The following RBFOX3 variants were observed in gnomAD, a reference collection of about 807,000 sequenced individuals.
The protein encoded by RBFOX3 is RNA binding protein fox-1 homolog 3.
Under a neutral mutation model 48.7 loss-of-function variants are expected in RBFOX3, and 17 were observed. That is an observed-to-expected ratio of 0.35 (90% CI 0.24 to 0.52). The LOEUF (loss-of-function observed/expected upper bound fraction) is 0.52, where lower values mean the gene tolerates loss of function less well. Ranked by LOEUF, RBFOX3 falls within the 20% of genes least tolerant of loss-of-function variation. The probability of loss-of-function intolerance (pLI) is 0.94; values close to 1 mark genes in which losing one functional copy is unlikely to be tolerated. For missense variants in RBFOX3, 382 were observed against 497.5 expected (o/e 0.77, Z 2.21); for synonymous variants, 212 against 209.5 (o/e 1.01, Z -0.10).
the RBFOX3 span, among the ~76,000 whole-genome samples, chr17:79,661,011 T>C: frequency 1.3e-5 from 2 of 152,198 alleles, no homozygotes; most frequent in Non-Finnish European, 2.9e-5. Context: ...CCATTATCCT[T>C]AGTAAACTAA....
chr17:79,188,386 C>G (rs185527053), intron 4 of RBFOX3, among the ~76,000 whole-genome samples: 1 of 152,240 alleles, frequency 6.6e-6, no homozygotes, highest in Non-Finnish European at 1.5e-5. Flanking sequence ...AAGTAAAAAT[C>G]GGCGTGCAAA....
chr17:79,625,827 G>A, the RBFOX3 span, among the ~76,000 whole-genome samples: 1 of 152,172 alleles, frequency 6.6e-6, no homozygotes, highest in Non-Finnish European at 1.5e-5. Flanking sequence ...GGTAAAGGTG[G>A]GCATGTGGCC....
the RBFOX3 span, among the ~76,000 whole-genome samples, chr17:79,662,833 G>A: frequency 6.6e-6 from 1 of 152,192 alleles, no homozygotes; most frequent in Non-Finnish European, 1.5e-5. Flanking sequence ...TGGAGTGGCT[G>A]AGGAAACCAG....
At chr17:79,182,692 A>G (rs779160928) in intron 4 of RBFOX3, among the ~76,000 whole-genome samples, 173 of 151,668 alleles carry the variant, frequency 1.1e-3, no homozygotes, top group Non-Finnish European at 1.7e-3. Context: ...AGCCCCCAAG[A>G]TTGCAAAAGT....
At chr17:79,437,187 C>G (rs1380217380) in intron 2 of RBFOX3, among the ~76,000 whole-genome samples, 2 of 152,164 alleles carry the variant, frequency 1.3e-5, no homozygotes, top group African/African-American at 4.8e-5. Flanking sequence ...GTCTCACCCC[C>G]CAGGAGCCCC....
chr17:79,294,373 T>C (rs1341563756), intron 3 of RBFOX3, among the ~76,000 whole-genome samples: 1 of 152,136 alleles, frequency 6.6e-6, no homozygotes, highest in Non-Finnish European at 1.5e-5. Context: ...TACAGTGGTG[T>C]GATCTCTGCT....
intron 2 of RBFOX3, among the ~76,000 whole-genome samples, chr17:79,422,250 C>T (rs1173782142): frequency 6.6e-6 from 1 of 151,418 alleles, no homozygotes; most frequent in Non-Finnish European, 1.5e-5. Flanking sequence ...AGGGCTGGCC[C>T]CCGACAGCGG....
At position 79,427,659 on chromosome 17, in the gene RBFOX3, G is replaced by A. The variant is rs533545249; in HGVS notation, c.-175+54795C>T. Among the ~76,000 whole-genome samples, 163 of 152,308 alleles carry A rather than the reference G, an allele frequency of 1.1e-3. 1 individual carries two copies. The highest frequency in any genetic ancestry group is 3.8e-3 in the African/African-American group (157 of 41,560). ...TTGTTAGGACACAGCTAAGGCCCCC[G>A]AAGAAGGATCCTGTTGGGGAAACAT... is the stretch of plus-strand genomic sequence containing the variant. On this transcript the variant is annotated intron_variant, in intron 2 of 14. Transcript: ENST00000693108.
chr17:79,571,972 A>G (rs2092694560), intron 1 of RBFOX3, among the ~76,000 whole-genome samples: 1 of 152,162 alleles, frequency 6.6e-6, no homozygotes, highest in African/African-American at 2.4e-5. Context: ...TTGTCATAAG[A>G]AGGTGATTTG....
chr17:79,428,891 T>C (rs2067894180), intron 2 of RBFOX3, among the ~76,000 whole-genome samples: 1 of 152,252 alleles, frequency 6.6e-6, no homozygotes, highest in South Asian at 2.1e-4. Flanking sequence ...TCATATAGTA[T>C]TTGCACAGTA....
intron 3 of RBFOX3, among the ~76,000 whole-genome samples, chr17:79,272,544 G>A (rs1415702665): frequency 3.3e-5 from 5 of 152,168 alleles, no homozygotes; most frequent in Admixed American, 2.0e-4. Context: ...GCGGGGCCAC[G>A]CAGGTCCCAC....
chr17:79,098,058 G>A lies in RBFOX3; in HGVS notation c.569-313C>T, dbSNP rs908835754. On this transcript the variant is annotated intron_variant, in intron 9 of 14. Transcript: ENST00000693108. The stretch of plus-strand genomic sequence containing the variant: ...CGAAGCCTGGGGTACCCACCTCCCA[G>A]AAGAGAACTGGAGAGGGAAAGTGGA... The A allele has an allele frequency of 8.7e-5, 33 of 380,194 alleles. No homozygotes were observed. The Admixed American group carries it at 1.2e-3, about 14-fold the overall frequency. 23.6% of individuals were successfully genotyped at this position (380,194 alleles called of 1,614,324 possible).
rs1272053027 is a variant in RBFOX3, at chr17:79,249,556, C to T, written c.-73-13751G>A. Among the ~76,000 whole-genome samples, 1 of 152,054 alleles carries T rather than the reference C, an allele frequency of 6.6e-6. No homozygotes were observed. Among genetic ancestry groups the T allele is most frequent in the African/African-American group, 2.4e-5 (1 of 41,374 alleles). ...CCAAGCCCCTGCCTCTATCGGGGTC[C>T]CATGCTCCCGGAGACTGTTTACCTG... is the stretch of plus-strand genomic sequence containing the variant. On this transcript the variant is annotated intron_variant, in intron 3 of 14. Transcript: ENST00000693108. The surrounding 1 kb of genome is among the most constrained non-coding windows in gnomAD (Gnocchi z 4.1).
chr17:79,509,441 C>T (rs2083747651), intron 1 of RBFOX3, among the ~76,000 whole-genome samples: 1 of 152,082 alleles, frequency 6.6e-6, no homozygotes, highest in East Asian at 1.9e-4. Context: ...ACTGTGACCT[C>T]ACCTGCAGGT....
chr17:79,408,627 G>T (rs573862055), intron 2 of RBFOX3, among the ~76,000 whole-genome samples: 3 of 152,314 alleles, frequency 2.0e-5, no homozygotes, highest in South Asian at 4.1e-4. Flanking sequence ...GTCCCTAGGA[G>T]ACCCTGTTCT....
chr17:79,101,697 G>T, intron 8 of RBFOX3, 53 bp from the exon 9 acceptor site: 2 of 1,485,618 alleles, frequency 1.3e-6, no homozygotes, highest in Non-Finnish European at 9.2e-7. Context: ...CCTCCTGGAA[G>T]ACCCACTGGC....
At chr17:79,319,069 G>T (rs530694137) in intron 2 of RBFOX3, among the ~76,000 whole-genome samples, 1 of 152,156 alleles carries the variant, frequency 6.6e-6, no homozygotes, top group South Asian at 2.1e-4. Context: ...GGGAAGACAT[G>T]AGGGTGGGCG....
chr17:79,550,164 G>A (rs544984969), intron 1 of RBFOX3, among the ~76,000 whole-genome samples: 2 of 152,170 alleles, frequency 1.3e-5, no homozygotes, highest in Admixed American at 6.5e-5. Flanking sequence ...AGGAACACAG[G>A]GACTTGGGGA....
At position 79,242,450 on chromosome 17, in the gene RBFOX3, G is replaced by A. The variant is rs1415583714; in HGVS notation, c.-73-6645C>T. Among the ~76,000 whole-genome samples, 1 of 152,208 alleles carries A rather than the reference G, an allele frequency of 6.6e-6. No homozygotes were observed. The highest frequency in any genetic ancestry group is 1.5e-5 in the Non-Finnish European group (1 of 68,014). Reference sequence around the variant, plus strand: ...ACTGTGGGTGGCTTAAACCTGGCTTGTGATGACGGTGATCAGAGCAGGAGA... The same window carrying A: ...ACTGTGGGTGGCTTAAACCTGGCTTATGATGACGGTGATCAGAGCAGGAGA... On this transcript the variant is annotated intron_variant, in intron 3 of 14. Coordinates refer to ENST00000693108, the MANE Select transcript of RBFOX3 (RefSeq NM_001350451.2). This position sits in a 1 kb window ranked among gnomAD's most constrained non-coding sequence, Gnocchi z 5.8.
Sources: gnomAD v4.1 joint callset for allele counts (sites outside exome capture counted in the v4.1 genomes callset) on GRCh38, gnomAD v4.1.1 for gene constraint, Gnocchi (gnomAD v3.1) non-coding constraint, MANE v1.5 for transcripts, NCBI Gene and HGNC (gene_info 2026-07-23, HGNC 2026-07-21) for gene names.